The following ACYP2 variants were observed in gnomAD, a reference collection of about 807,000 sequenced individuals.
ACYP2 encodes the protein acylphosphatase-2.
ACYP2 carries 12 observed loss-of-function variants against 11.2 expected under a neutral mutation model. The observed-to-expected ratio is 1.08, with a 90% CI of 0.69 to 1.74. The LOEUF (loss-of-function observed/expected upper bound fraction) is 1.74, where lower values mean the gene tolerates loss of function less well. Ranked by LOEUF, ACYP2 falls within the 40% of genes most tolerant of loss-of-function variation. The pLI, the probability that ACYP2 is intolerant of heterozygous loss-of-function variation, is 0.00. For synonymous variants in ACYP2, 43 were observed against 32.2 expected (o/e 1.33, Z -1.13); for missense variants, 134 against 101.9 (o/e 1.31, Z -1.35).
intron 4 of ACYP2, among the ~76,000 whole-genome samples, chr2:54,096,118 G>A (rs1289759002): frequency 2.1e-5 from 3 of 144,108 alleles, no homozygotes; most frequent in Non-Finnish European, 4.6e-5. Flanking sequence ...TTCCCAGACG[G>A]GGTGGCTGCT....
chr2:54,242,026 A>C (rs1452844122), intron 6 of ACYP2, among the ~76,000 whole-genome samples: 2 of 152,192 alleles, frequency 1.3e-5, no homozygotes, highest in Admixed American at 6.5e-5. Flanking sequence ...AAAAGAAAAA[A>C]ATTCAGCTGA....
chr2:54,269,503 A>G (rs1160301301), intron 6 of ACYP2, among the ~76,000 whole-genome samples: 1 of 152,234 alleles, frequency 6.6e-6, no homozygotes, highest in Non-Finnish European at 1.5e-5. Flanking sequence ...CCCCATAGAC[A>G]AAGGTATAAC....
chr2:54,009,896 G>C lies in ACYP2; in HGVS notation c.62+36086G>C, dbSNP rs866608943. On this transcript the variant is annotated intron_variant, in intron 2 of 6. Coordinates refer to ENST00000607452, the MANE Select transcript of ACYP2 (RefSeq NM_001320586.2). ...TCTTTGAGAAATTTAAGGGAAAGAG[G>C]AATTCAGTAACCTGTCCCTGGCCAC... is the stretch of plus-strand genomic sequence containing the variant. Among the ~76,000 whole-genome samples the C allele has an allele frequency of 9.9e-5, 15 of 152,178 alleles. No individual in the cohort carries two copies. The South Asian group carries it at 1.0e-3, about 11-fold the overall frequency.
chr2:54,160,159 G>A (rs915042271), intron 6 of ACYP2, among the ~76,000 whole-genome samples: 1 of 152,170 alleles, frequency 6.6e-6, no homozygotes, highest in African/African-American at 2.4e-5. Flanking sequence ...GTAGCCACTG[G>A]TGCTTGTTGA....
intron 6 of ACYP2, among the ~76,000 whole-genome samples, chr2:54,207,608 GTTA>G (rs1279458815): frequency 2.0e-5 from 3 of 152,190 alleles, no homozygotes; most frequent in Non-Finnish European, 4.4e-5. Flanking sequence ...TCTTGCATAT[GTTA>G]TTGTCAGTAA....
At chr2:54,135,572 T>C in intron 5 of ACYP2, 103 bp downstream of exon 2, 1 of 874,518 alleles carries the variant, frequency 1.1e-6, no homozygotes, top group Non-Finnish European at 1.8e-6. Flanking sequence ...TACTGTTTAC[T>C]CCCTGTCCTT....
intron 2 of ACYP2, among the ~76,000 whole-genome samples, chr2:54,038,309 G>A (rs1675020549): frequency 6.6e-6 from 1 of 152,112 alleles, no homozygotes; most frequent in African/African-American, 2.4e-5. Flanking sequence ...CTAAGGGTAA[G>A]TTGACCCTTT....
chr2:54,218,345 A>C (rs756396764), intron 6 of ACYP2, among the ~76,000 whole-genome samples: 7 of 152,158 alleles, frequency 4.6e-5, no homozygotes, highest in Non-Finnish European at 1.0e-4. Context: ...TGCTACATAT[A>C]TATTGTATAC....
intron 6 of ACYP2, among the ~76,000 whole-genome samples, chr2:54,219,903 A>ATTTTTT (rs1240349827): frequency 7.0e-5 from 7 of 100,448 alleles, no homozygotes; most frequent in Non-Finnish European, 1.2e-4. Context: ...ATATATATAT[A>ATTTTTT]TATTTTTTTT....
intron 2 of ACYP2, among the ~76,000 whole-genome samples, chr2:53,991,262 G>A (rs1464862866): frequency 6.6e-6 from 1 of 152,148 alleles, no homozygotes; most frequent in Non-Finnish European, 1.5e-5. Flanking sequence ...ATCTGTTAAT[G>A]GACGTTTTGG....
intron 6 of ACYP2, among the ~76,000 whole-genome samples, chr2:54,232,485 G>A (rs1210706399): frequency 6.6e-6 from 1 of 152,160 alleles, no homozygotes; most frequent in Non-Finnish European, 1.5e-5. Context: ...TACACCCGAG[G>A]TTGTGGTCCA....
chr2:54,047,450 AT>A (rs1675583784), intron 2 of ACYP2, among the ~76,000 whole-genome samples: 1 of 152,238 alleles, frequency 6.6e-6, no homozygotes, highest in African/African-American at 2.4e-5. Flanking sequence ...GAGTCATTTT[AT>A]TTGCCATACA....
chr2:54,024,888 G>T (rs1276823519), intron 2 of ACYP2, among the ~76,000 whole-genome samples: 9 of 152,156 alleles, frequency 5.9e-5, no homozygotes, highest in Non-Finnish European at 1.3e-4. Context: ...ATTCAGTAAA[G>T]CTTCAGAATA....
intron 6 of ACYP2, among the ~76,000 whole-genome samples, chr2:54,162,218 G>C (rs558819720): frequency 2.6e-5 from 4 of 152,270 alleles, no homozygotes; most frequent in African/African-American, 9.6e-5. Context: ...TGTGTAAGAT[G>C]GACCTCCCTT....
chr2:54,107,972 T>C (rs1045805165), intron 4 of ACYP2, among the ~76,000 whole-genome samples: 2 of 152,166 alleles, frequency 1.3e-5, no homozygotes, highest in South Asian at 2.1e-4. Flanking sequence ...GCTGCCATGC[T>C]CTGGAAACTG....
rs1206836554 is a variant in ACYP2 at position 54,143,761 on chromosome 2, G to GGT, written c.404+5014_404+5015insTG. On this transcript the variant is annotated intron_variant, in intron 6 of 6. Coordinates refer to ENST00000607452, the MANE Select transcript of ACYP2 (RefSeq NM_001320586.2). ...TTTTTTTTTTTTTTTTTTTTTTGGG[G>GGT]GGGGGGTATTCTATCATGTTTTGAT... Among the ~76,000 whole-genome samples the GGT allele has an allele frequency of 2.0e-3, 259 of 126,490 alleles. 1 individual carries two copies. The highest frequency in any genetic ancestry group is 7.6e-3 in the African/African-American group (255 of 33,400). 83.0% of individuals were successfully genotyped at this position (126,490 alleles called of 152,430 possible).
Position 54,207,773 on chromosome 2 carries a change from T to A in ACYP2, c.404+69025T>A. Among the ~76,000 whole-genome samples the A allele has an allele frequency of 2.0e-5, 3 of 152,310 alleles. No homozygotes were observed. In the South Asian group the frequency reaches 6.2e-4, roughly 32 times the overall value. On this transcript the variant is annotated intron_variant, in intron 6 of 6. Coordinates refer to ENST00000607452, the MANE Select transcript of ACYP2 (RefSeq NM_001320586.2). ...CAAAAGCCATGAACCATGATTCTTA[T>A]CAGTTTGGATTTTTTCCAGAACATT...
chr2:54,188,175 A>G (rs1684090647), intron 6 of ACYP2, among the ~76,000 whole-genome samples: 1 of 152,146 alleles, frequency 6.6e-6, no homozygotes, highest in Non-Finnish European at 1.5e-5. Flanking sequence ...CTGGGGGAAA[A>G]GGAGTGGGAA....
In ACYP2 at chr2:54,070,023, C is replaced by T. The variant is rs974367538; in HGVS notation, c.277+12663C>T. Among the ~76,000 whole-genome samples, 6 of 152,266 alleles carry T rather than the reference C, an allele frequency of 3.9e-5. No homozygotes were observed. The East Asian group carries it at 5.8e-4, about 15-fold the overall frequency. On this transcript the variant is annotated intron_variant, in intron 4 of 6. Transcript: ENST00000607452. ...CAGTGGCTCATGCCTGTAATCCCAG[C>T]GCTTTGGGAGGCCAAGGTGGGCAGA...
Sources: allele counts gnomAD v4.1 joint callset (sites outside exome capture counted in the v4.1 genomes callset), GRCh38; gene constraint gnomAD v4.1.1; transcripts MANE v1.5; gene names NCBI Gene and HGNC (gene_info 2026-07-23, HGNC 2026-07-21).